The following ABLIM3 variants were observed in gnomAD, a reference collection of about 807,000 sequenced individuals.
ABLIM3 encodes actin-binding LIM protein 3.
In ABLIM3, 61 loss-of-function variants were observed where a neutral mutation model predicts 109.5. The observed-to-expected ratio is 0.56, with a 90% confidence interval of 0.45 to 0.69. ABLIM3 has a LOEUF of 0.69. Among genes scored for constraint, ABLIM3 ranks in the 30% least tolerant of loss-of-function variants. The pLI, the probability that ABLIM3 is intolerant of heterozygous loss-of-function variation, is 0.00. For missense variants in ABLIM3, 796 were observed against 889.5 expected (o/e 0.89, Z 1.34); for synonymous variants, 300 against 324.8 (o/e 0.92, Z 0.82).
At chr5:149,179,891 C>T (rs146600740) in intron 2 of ABLIM3, among the ~76,000 whole-genome samples, 2,245 of 152,320 alleles carry the variant, frequency 0.015, 26 homozygotes, top group Middle Eastern at 0.041. Context: ...ATGTCTAGAA[C>T]ATGTCTATCA....
At chr5:149,217,115 G>A in intron 8 of ABLIM3, 69 bp downstream of exon 8, 9 of 1,420,514 alleles carry the variant, frequency 6.3e-6, no homozygotes, top group Non-Finnish European at 8.8e-6. Context: ...GCGATCTTCA[G>A]GTTCAGTGTT....
At chr5:149,221,674 C>T (rs1332797386) in intron 8 of ABLIM3, among the ~76,000 whole-genome samples, 1 of 152,120 alleles carries the variant, frequency 6.6e-6, no homozygotes, top group Non-Finnish European at 1.5e-5. Flanking sequence ...TGGGCTTCAC[C>T]AGGAAATTAG....
chr5:149,148,185 T>C (rs1031351974), intron 2 of ABLIM3, among the ~76,000 whole-genome samples: 1 of 151,898 alleles, frequency 6.6e-6, no homozygotes, highest in Admixed American at 6.6e-5. Flanking sequence ...CTCTTCAGAG[T>C]GAATTTTAGT....
chr5:149,146,904 C>A (rs1391782025), intron 2 of ABLIM3, among the ~76,000 whole-genome samples: 1 of 152,092 alleles, frequency 6.6e-6, no homozygotes, highest in Non-Finnish European at 1.5e-5. Context: ...TTGCTTTGGG[C>A]AGTATGGCTG....
chr5:149,154,532 T>A (rs1580995652), intron 2 of ABLIM3, among the ~76,000 whole-genome samples: 1 of 152,218 alleles, frequency 6.6e-6, no homozygotes, highest in East Asian at 1.9e-4. Context: ...GAGACTCTTT[T>A]CCAACTGCAG....
chr5:149,242,672 C>G (rs974584329), intron 15 of ABLIM3, 134 bp downstream of exon 15: 1 of 927,174 alleles, frequency 1.1e-6, no homozygotes, highest in Non-Finnish European at 1.8e-6. Flanking sequence ...TGTTGACTGC[C>G]CCATCACCCA....
chr5:149,187,412 A>G lies in ABLIM3; in HGVS notation c.151+3823A>G, dbSNP rs139477500. Among the ~76,000 whole-genome samples the G allele has an allele frequency of 7.2e-3, 1,098 of 152,348 alleles. 16 individuals carry two copies. Among genetic ancestry groups the G allele is most frequent in the African/African-American group, 0.026 (1,068 of 41,576 alleles). ...ACTTTTCAGTAGCAACAAGCAAACT[A>G]GAAAACAGCAGAAGAATATATTTAA... On this transcript the variant is annotated intron_variant, in intron 3 of 23. Transcript: ENST00000309868.
chr5:149,246,352 GA>G, intron 16 of ABLIM3, 129 bp from the exon 17 acceptor site: 1 of 864,242 alleles, frequency 1.2e-6, no homozygotes, highest in African/African-American at 1.7e-5. Flanking sequence ...TAGCTTAAAC[GA>G]GACTGTTTCC....
At chr5:149,194,082 A>G (rs1037985025) in intron 3 of ABLIM3, among the ~76,000 whole-genome samples, 2 of 152,200 alleles carry the variant, frequency 1.3e-5, no homozygotes, top group Non-Finnish European at 2.9e-5. Context: ...CACAAATTCA[A>G]CAACGTAAAA....
intron 12 of ABLIM3, 150 bp from the exon 13 acceptor site, chr5:149,239,609 T>C: frequency 8.8e-7 from 1 of 1,131,374 alleles, no homozygotes; most frequent in Admixed American, 2.5e-5. Context: ...TCGGGCTGTG[T>C]GTGTAACTCA....
intron 2 of ABLIM3, among the ~76,000 whole-genome samples, 188 bp downstream of exon 2, chr5:149,142,296 G>A (rs1752537453): frequency 6.6e-6 from 1 of 152,190 alleles, no homozygotes; most frequent in South Asian, 2.1e-4. Context: ...GGCTTTTCGT[G>A]ATAATTTTGC....
chr5:149,251,120 T>G (rs973836523), intron 20 of ABLIM3, among the ~76,000 whole-genome samples: 1 of 152,108 alleles, frequency 6.6e-6, no homozygotes, highest in African/African-American at 2.4e-5. Context: ...GTTTGAGCAA[T>G]GAAAGAAAGC....
intron 2 of ABLIM3, among the ~76,000 whole-genome samples, chr5:149,174,073 G>A (rs1755711082): frequency 6.7e-6 from 1 of 149,972 alleles, no homozygotes; most frequent in African/African-American, 2.5e-5. Context: ...GATCTGCAAG[G>A]ATGTAAAAAC....
At chr5:149,163,746 A>C (rs1025754566) in intron 2 of ABLIM3, among the ~76,000 whole-genome samples, 2 of 152,160 alleles carry the variant, frequency 1.3e-5, no homozygotes, top group African/African-American at 4.8e-5. Context: ...GGACTTCATC[A>C]TGTGAATTTG....
chr5:149,242,111 G>A (rs902443527), intron 14 of ABLIM3, among the ~76,000 whole-genome samples: 13 of 152,172 alleles, frequency 8.5e-5, no homozygotes, highest in African/African-American at 3.1e-4. Flanking sequence ...AAATTCGGCT[G>A]CAGCATCCTG....
chr5:149,259,648 T>G lies in ABLIM3; in HGVS notation c.*1244T>G. 3 of 1,471,202 alleles carry G rather than the reference T, an allele frequency of 2.0e-6. No individual in the cohort carries two copies. The Admixed American group carries it at 5.9e-5, about 29-fold the overall frequency. 91.1% of individuals were successfully genotyped at this position (1,471,202 alleles called of 1,614,324 possible). On this transcript the variant is annotated 3_prime_UTR_variant, in exon 24 of 24. Coordinates refer to ENST00000309868, the MANE Select transcript of ABLIM3 (RefSeq NM_014945.5). ...TTTTCCCAGTGGCTTCCCTTCCTGC[T>G]CGCCTCCCTGAACAGGGGAGAAAGC...
chr5:149,219,061 CA>C (rs1760384457), intron 8 of ABLIM3: 1 of 152,322 alleles, frequency 6.6e-6, no homozygotes, highest in Non-Finnish European at 1.5e-5. Flanking sequence ...GTCCTAGCCA[CA>C]ATGCCCACAG....
At position 149,142,014 on chromosome 5, in the gene ABLIM3, G is replaced by T. The variant is rs891182778; in HGVS notation, c.-82G>T. On this transcript the variant is annotated 5_prime_UTR_variant, in exon 2 of 24. An upstream start codon of the reference 5' UTR is lost. Transcript: ENST00000309868. The stretch of plus-strand genomic sequence containing the variant: ...ACTGCCTTTTCACCCCCCAGGTGAT[G>T]AGTGAGGTTCGAAGAACGGAAGATT... 1.9e-6 allele frequency: 3 copies of T among 1,606,874 alleles called. No homozygotes were observed. The African/African-American group carries it at 4.0e-5, about 21-fold the overall frequency.
chr5:149,152,417 T>C (rs1013003317), intron 2 of ABLIM3, among the ~76,000 whole-genome samples: 4 of 152,302 alleles, frequency 2.6e-5, no homozygotes, highest in Admixed American at 2.6e-4. Flanking sequence ...GCCATGATAT[T>C]AATGTCCTCA....
Sources: gnomAD v4.1 joint callset for allele counts (sites outside exome capture counted in the v4.1 genomes callset) on GRCh38, gnomAD v4.1.1 for gene constraint, MANE v1.5 for transcripts, NCBI Gene and HGNC (gene_info 2026-07-23, HGNC 2026-07-21) for gene names.